The following GLIS1 variants were observed in gnomAD, a reference collection of about 807,000 sequenced individuals.
GLIS1 encodes the protein zinc finger protein GLIS1.
A neutral mutation model predicts 63.8 loss-of-function variants in GLIS1; 24 were observed. The observed-to-expected ratio is 0.38, with a 90% CI of 0.27 to 0.53. The LOEUF (loss-of-function observed/expected upper bound fraction) is 0.53, where lower values mean the gene tolerates loss of function less well. Ranked by LOEUF, GLIS1 falls within the 20% of genes least tolerant of loss-of-function variation. The pLI is 0.85. For synonymous variants in GLIS1, 450 were observed against 482.5 expected (o/e 0.93, Z 0.88); for missense variants, 1,036 against 1,074.1 (o/e 0.96, Z 0.50).
intron 2 of GLIS1, among the ~76,000 whole-genome samples, chr1:53,656,622 A>G (rs1014948816): frequency 1.3e-5 from 2 of 152,260 alleles, no homozygotes; most frequent in Non-Finnish European, 2.9e-5. Flanking sequence ...ATGGATTACC[A>G]GGAAGACAGA....
chr1:53,721,581 C>T (rs1646755768), intron 2 of GLIS1, among the ~76,000 whole-genome samples: 3 of 152,314 alleles, frequency 2.0e-5, no homozygotes, highest in African/African-American at 7.2e-5. Context: ...GGCACCACAG[C>T]AGCCCTGGCC....
intron 2 of GLIS1, among the ~76,000 whole-genome samples, chr1:53,650,609 A>T (rs1645896759): frequency 6.8e-6 from 1 of 146,494 alleles, no homozygotes. Flanking sequence ...AAAAAAAAAG[A>T]CCACACTTTA....
At position 53,600,235 on chromosome 1, in the gene GLIS1, G is replaced by C; in HGVS notation, c.303C>G (p.Ser101Arg). ...CCTCAGCAAGGTCCAGGTCCAGCAG[G>C]CTCTTCTCTGAGCCCGGGGTACGGT... is the stretch of plus-strand genomic sequence containing the variant. ...YGHRTPGSEK[S>R]LLDLDLAEGP... Residue 101 changes from serine (S) to arginine (R), a missense_variant, in exon 3 of 11, where the codon AGC becomes AGG. Coordinates refer to ENST00000628545, the MANE Select transcript of GLIS1 (RefSeq NM_001367484.1). 8.1e-7 allele frequency: 1 copy of C among 1,232,136 alleles called. No homozygotes were observed. The highest frequency in any genetic ancestry group is 1.0e-6 in the Non-Finnish European group (1 of 987,944). 76.3% of individuals were successfully genotyped at this position (1,232,136 alleles called of 1,614,324 possible).
intron 4 of GLIS1, among the ~76,000 whole-genome samples, chr1:53,585,495 G>T (rs72637999): frequency 6.6e-6 from 1 of 151,204 alleles, no homozygotes; most frequent in Non-Finnish European, 1.5e-5. Context: ...GGAAAGGGGT[G>T]GGGGGTCAGG....
intron 2 of GLIS1, among the ~76,000 whole-genome samples, chr1:53,623,694 C>T (rs770639367): frequency 3.9e-5 from 6 of 152,060 alleles, no homozygotes; most frequent in Non-Finnish European, 7.4e-5. Flanking sequence ...TATAATAAAA[C>T]ATAATAAATA....
At chr1:53,651,299 A>G (rs940502979) in intron 2 of GLIS1, among the ~76,000 whole-genome samples, 8 of 152,240 alleles carry the variant, frequency 5.3e-5, no homozygotes, top group African/African-American at 1.4e-4. Flanking sequence ...AATTAATTCA[A>G]TGAAAACTAT....
intron 2 of GLIS1, among the ~76,000 whole-genome samples, chr1:53,648,643 C>T (rs1027838201): frequency 6.6e-6 from 1 of 152,106 alleles, no homozygotes; most frequent in African/African-American, 2.4e-5. Flanking sequence ...AACTGTAATA[C>T]CATACATCAG....
At chr1:53,724,882 T>C (rs1371328189) in intron 2 of GLIS1, among the ~76,000 whole-genome samples, 1 of 152,004 alleles carries the variant, frequency 6.6e-6, no homozygotes, top group African/African-American at 2.4e-5. Context: ...CAATGCTCAA[T>C]TGATCACTGT....
intron 2 of GLIS1, among the ~76,000 whole-genome samples, chr1:53,661,572 C>T (rs933800662): frequency 4.6e-5 from 7 of 152,278 alleles, no homozygotes; most frequent in African/African-American, 1.2e-4. Flanking sequence ...GTGGGGAGGA[C>T]GTGATAGAGT....
chr1:53,685,970 C>T (rs1364331180), intron 2 of GLIS1, among the ~76,000 whole-genome samples: 2 of 152,168 alleles, frequency 1.3e-5, no homozygotes, highest in African/African-American at 2.4e-5. Context: ...GCATGGGTTC[C>T]GTCAGAAACC....
intron 3 of GLIS1, among the ~76,000 whole-genome samples, chr1:53,597,054 G>A (rs1645262670): frequency 6.6e-6 from 1 of 151,794 alleles, no homozygotes; most frequent in Non-Finnish European, 1.5e-5. Flanking sequence ...GGTAGGTAGA[G>A]TTCTGGTGAA....
chr1:53,595,746 C>G (rs1335149972), intron 3 of GLIS1, among the ~76,000 whole-genome samples: 1 of 152,218 alleles, frequency 6.6e-6, no homozygotes, highest in Non-Finnish European at 1.5e-5. Flanking sequence ...AGCTTAACTT[C>G]TACAAATGCT....
chr1:53,527,595 C>T (rs145569041), intron 5 of GLIS1, among the ~76,000 whole-genome samples: 27 of 152,338 alleles, frequency 1.8e-4, no homozygotes, highest in African/African-American at 6.0e-4. Context: ...GAAACTTTCC[C>T]GCCCATGGAG....
At chr1:53,631,853 C>G (rs1380496160) in intron 2 of GLIS1, among the ~76,000 whole-genome samples, 1 of 151,764 alleles carries the variant, frequency 6.6e-6, no homozygotes, top group East Asian at 1.9e-4. Flanking sequence ...CCTGAGGGAG[C>G]AGCAGACCTT....
chr1:53,586,379 C>G (rs559911013), intron 4 of GLIS1, among the ~76,000 whole-genome samples: 1 of 152,164 alleles, frequency 6.6e-6, no homozygotes, highest in Admixed American at 6.5e-5. Context: ...CACAGCCAAG[C>G]GACGCATCCA....
intron 2 of GLIS1, among the ~76,000 whole-genome samples, chr1:53,643,153 A>T (rs1162201319): frequency 1.3e-5 from 2 of 152,218 alleles, no homozygotes; most frequent in Non-Finnish European, 2.9e-5. Flanking sequence ...CTTCATATGG[A>T]AGGAATCAAG....
intron 4 of GLIS1, among the ~76,000 whole-genome samples, chr1:53,582,437 C>G (rs1041758441): frequency 3.3e-5 from 5 of 152,196 alleles, no homozygotes; most frequent in South Asian, 4.1e-4. Flanking sequence ...GATTTTGACA[C>G]GTGTGGTCTA....
rs553062357 is a variant in GLIS1, at chr1:53,506,447, C to A, written c.*172G>T. On this transcript the variant is annotated 3_prime_UTR_variant, in exon 11 of 11. Coordinates refer to ENST00000628545, the MANE Select transcript of GLIS1 (RefSeq NM_001367484.1). ...GTGCGCCCAGCTCAAGCTCGGATGGCGGCTCCCTGGCAGCGCTGGGTGGGG... is the reference window on the plus strand; with the variant it reads ...GTGCGCCCAGCTCAAGCTCGGATGGAGGCTCCCTGGCAGCGCTGGGTGGGG... The A allele has an allele frequency of 1.4e-5, 9 of 652,468 alleles. No individual in the cohort carries two copies. Among genetic ancestry groups the A allele is most frequent in the Non-Finnish European group, 2.1e-5 (8 of 385,554 alleles). The allele number at this position is 652,468 out of a possible 1,614,324, so 40.4% of individuals were successfully genotyped here.
At chr1:53,643,035 CTG>C (rs1211313625) in intron 2 of GLIS1, among the ~76,000 whole-genome samples, 1 of 152,206 alleles carries the variant, frequency 6.6e-6, no homozygotes, top group Non-Finnish European at 1.5e-5. Context: ...GGCCTGCAGA[CTG>C]TGGTCTGAGT....
Sources: allele counts gnomAD v4.1 joint callset (sites outside exome capture counted in the v4.1 genomes callset), GRCh38; gene constraint gnomAD v4.1.1; transcripts MANE v1.5; gene names NCBI Gene and HGNC (gene_info 2026-07-23, HGNC 2026-07-21).